DCP1B: variants seen among roughly 807,000 people sequenced by gnomAD.
DCP1B encodes mRNA-decapping enzyme 1B.
Under a neutral mutation model 60.5 loss-of-function variants are expected in DCP1B, and 47 were observed. The observed-to-expected ratio is 0.78, with a 90% CI of 0.61 to 0.99. DCP1B has a LOEUF of 0.99. Among genes scored for constraint, DCP1B ranks in the 50% least tolerant of loss-of-function variants. DCP1B has a pLI of 0.00. For missense variants in DCP1B, 725 were observed against 756.8 expected, an observed-to-expected ratio of 0.96 and a Z score of 0.49; for synonymous variants, 267 against 280.3, an observed-to-expected ratio of 0.95 and a Z score of 0.47.
chr12:1,998,119 G>A, intron 1 of DCP1B, 144 bp from the exon 2 acceptor site: 1 of 616,956 alleles, frequency 1.6e-6, no homozygotes, highest in Non-Finnish European at 2.7e-6. Flanking sequence ...TCAGGAAAAG[G>A]AGAAAGCAAG....
chr12:1,942,415 T>C (rs1273198120), downstream of DCP1B, among the ~76,000 whole-genome samples: 1 of 152,210 alleles, frequency 6.6e-6, no homozygotes, highest in Non-Finnish European at 1.5e-5. Flanking sequence ...ATTCAGGACT[T>C]GAACTCAGCT....
intron 4 of DCP1B, 37 bp from the exon 5 acceptor site, chr12:1,965,730 CCAATTCA>C: frequency 6.3e-7 from 1 of 1,584,656 alleles, no homozygotes; most frequent in Non-Finnish European, 8.6e-7. Flanking sequence ...ACAAGAAAAG[CCAATTCA>C]ACACAAACAA....
chr12:1,953,044 A>C lies in DCP1B; in HGVS notation c.896T>G (p.Val299Gly). Residue 299 changes from valine (V) to glycine (G), a missense_variant, in exon 7 of 9, where the codon GTC becomes GGC. Physicochemically the swap from Val to Gly is moderately radical, Grantham distance 109. Coordinates refer to ENST00000280665, the MANE Select transcript of DCP1B (RefSeq NM_152640.5). ...QLCPAIQKLMVRSADLHPLSE... is the reference protein window; with the variant it reads ...QLCPAIQKLMGRSADLHPLSE... ...CAATGGGTGGAGGTCTGCGCTCCTG[A>C]CCATGAGTTTCTGAATGGCTGGACA... 1 of 1,614,106 alleles carries C rather than the reference A, an allele frequency of 6.2e-7. No individual in the cohort carries two copies. Among genetic ancestry groups the C allele is most frequent in the Non-Finnish European group, 8.5e-7 (1 of 1,180,002 alleles).
intron 3 of DCP1B, among the ~76,000 whole-genome samples, chr12:1,983,450 A>C (rs182187545): frequency 1.8e-4 from 27 of 152,104 alleles, no homozygotes; most frequent in African/African-American, 6.3e-4. Context: ...ATTCAGTTCA[A>C]ATGTTCTCTA....
Position 1,962,086 on chromosome 12 carries a change from T to C in DCP1B, c.522+3472A>G, listed in dbSNP as rs1035743848. On this transcript the variant is annotated intron_variant, in intron 5 of 8. Transcript: ENST00000280665. The surrounding 1 kb of genome is among the most constrained non-coding windows in gnomAD (Gnocchi z 4.4). ...GGAAGGCGTAGGCTAGAGCATTTAC[T>C]GAATTTCCTCAAGGAAGGCAAGGCA... Among the ~76,000 whole-genome samples, 1 of 152,176 alleles carries C rather than the reference T, an allele frequency of 6.6e-6. No individual in the cohort carries two copies. Among genetic ancestry groups the C allele is most frequent in the Non-Finnish European group, 1.5e-5 (1 of 68,026 alleles).
At chr12:1,978,744 C>T (rs2154463335) in intron 3 of DCP1B, among the ~76,000 whole-genome samples, 1 of 152,320 alleles carries the variant, frequency 6.6e-6, no homozygotes, top group East Asian at 1.9e-4. Context: ...ATTAGTTTTG[C>T]CTGTTCTTCA....
At chr12:1,963,147 C>G (rs988055730) in intron 5 of DCP1B, among the ~76,000 whole-genome samples, 17 of 152,166 alleles carry the variant, frequency 1.1e-4, no homozygotes, top group African/African-American at 4.1e-4. Flanking sequence ...ATTAGGAAGC[C>G]AGAGAATCTG....
intron 5 of DCP1B, among the ~76,000 whole-genome samples, chr12:1,963,786 T>C (rs983525060): frequency 3.3e-5 from 5 of 152,242 alleles, no homozygotes; most frequent in African/African-American, 7.2e-5. Flanking sequence ...CTGGGTGATA[T>C]AGATGCTTAC....
At chr12:1,993,021 T>C in intron 3 of DCP1B, 1 of 652,944 alleles carries the variant, frequency 1.5e-6, no homozygotes, top group Non-Finnish European at 2.7e-6. Context: ...TACAAATCCA[T>C]AAAGCTTCAA....
intron 2 of DCP1B, among the ~76,000 whole-genome samples, chr12:1,994,995 T>G (rs924110548): frequency 1.3e-5 from 2 of 150,418 alleles, no homozygotes; most frequent in African/African-American, 4.9e-5. Flanking sequence ...GGGAGGTTTT[T>G]GTTTTGCAGG....
At chr12:1,968,309 G>A (rs1246539861) in intron 3 of DCP1B, among the ~76,000 whole-genome samples, 1 of 149,728 alleles carries the variant, frequency 6.7e-6, no homozygotes, top group African/African-American at 2.5e-5. Context: ...CCAGGATCGC[G>A]CCATTGGACG....
At chr12:1,975,342 C>T (rs1477755074) in intron 3 of DCP1B, among the ~76,000 whole-genome samples, 2 of 148,134 alleles carry the variant, frequency 1.4e-5, no homozygotes, top group Non-Finnish European at 3.0e-5. Context: ...ATTTTTCCTT[C>T]TGTGGGTTAA....
At chr12:1,946,707 T>C (rs2030437558) in intron 8 of DCP1B, among the ~76,000 whole-genome samples, 1 of 152,194 alleles carries the variant, frequency 6.6e-6, no homozygotes. Context: ...TTTCTTGTTT[T>C]TTGGGTTTTT....
At chr12:1,985,029 C>G (rs1470780268) in intron 3 of DCP1B, among the ~76,000 whole-genome samples, 2 of 148,724 alleles carry the variant, frequency 1.3e-5, no homozygotes, top group Admixed American at 1.3e-4. Context: ...GGTTTGCTTT[C>G]AAGATTAAAA....
chr12:1,946,112 G>A lies in DCP1B; in HGVS notation c.*94C>T. The A allele has an allele frequency of 7.2e-6, 7 of 974,504 alleles. No homozygotes were observed. The highest frequency in any genetic ancestry group is 4.6e-5 in the South Asian group (2 of 43,436). The allele number at this position is 974,504 out of a possible 1,614,324, so 60.4% of individuals were successfully genotyped here. A position where few individuals can be genotyped will look rare whatever the true frequency, so the allele number is the denominator to read the frequency against. On this transcript the variant is annotated 3_prime_UTR_variant, in exon 9 of 9. Transcript: ENST00000280665. ...TACACATACTTTTTTTTTAAAAAAG[G>A]CAGAAACATTGAAGGAAACAACACT...
At chr12:1,996,616 TAAAAAAAAAAAAAA>T (rs78563698) in intron 2 of DCP1B, among the ~76,000 whole-genome samples, 20 of 18,842 alleles carry the variant, frequency 1.1e-3, no homozygotes, top group Admixed American at 3.3e-3. Flanking sequence ...GCTGATGAGC[TAAAAAAAAAAAAAA>T]AAAAAAAAAA....
chr12:1,957,038 C>A (rs2030909034), intron 5 of DCP1B, among the ~76,000 whole-genome samples: 1 of 152,162 alleles, frequency 6.6e-6, no homozygotes, highest in Non-Finnish European at 1.5e-5. Flanking sequence ...CAACTGCCTA[C>A]CTACAAAACC....
At chr12:1,999,649 C>T (rs2041734367) in intron 1 of DCP1B, among the ~76,000 whole-genome samples, 1 of 151,992 alleles carries the variant, frequency 6.6e-6, no homozygotes, top group South Asian at 2.1e-4. Flanking sequence ...TTGCTTCAGC[C>T]CAGGAGTTTG....
intron 1 of DCP1B, 56 bp downstream of exon 1, chr12:2,004,226 G>GC: frequency 1.3e-6 from 2 of 1,595,396 alleles, no homozygotes; most frequent in Non-Finnish European, 1.7e-6. Flanking sequence ...TGAGTCTGAC[G>GC]CCCCCCGCCT....
Sources: allele counts gnomAD v4.1 joint callset (sites outside exome capture counted in the v4.1 genomes callset), GRCh38; gene constraint gnomAD v4.1.1; non-coding constraint Gnocchi (gnomAD v3.1); transcripts MANE v1.5; gene names NCBI Gene and HGNC (gene_info 2026-07-23, HGNC 2026-07-21).